Variants in ADAMTSL1 observed in about 807,000 individuals in gnomAD.
ADAMTSL1 encodes ADAMTS like 1.
ADAMTSL1 carries 126 observed loss-of-function variants against 201.8 expected under a neutral mutation model. The observed-to-expected ratio is 0.62, with a 90% CI of 0.54 to 0.72. ADAMTSL1 has a LOEUF of 0.72. Among genes scored for constraint, ADAMTSL1 ranks in the 30% least tolerant of loss-of-function variants. The pLI, the probability that ADAMTSL1 is intolerant of heterozygous loss-of-function variation, is 0.00. For missense variants in ADAMTSL1, 2,679 were observed against 2,277.8 expected (o/e 1.18, Z -3.59); for synonymous variants, 1,121 against 903.4 (o/e 1.24, Z -4.32).
intron 1 of ADAMTSL1, among the ~76,000 whole-genome samples, chr9:17,982,442 G>A (rs573495829): frequency 1.4e-4 from 21 of 151,950 alleles, no homozygotes; most frequent in South Asian, 2.1e-4. Context: ...GTGAAACCCC[G>A]TCTCTCTAAA....
intron 2 of ADAMTSL1, among the ~76,000 whole-genome samples, chr9:18,285,622 C>A (rs536829957): frequency 2.0e-5 from 3 of 151,996 alleles, no homozygotes; most frequent in Non-Finnish European, 2.9e-5. Context: ...ATATAAGGAA[C>A]CTTGTTGTGG....
intron 2 of ADAMTSL1, among the ~76,000 whole-genome samples, chr9:18,377,563 T>A (rs529818976): frequency 2.3e-4 from 35 of 152,052 alleles, no homozygotes; most frequent in African/African-American, 8.2e-4. Flanking sequence ...ATTCACTTTT[T>A]TGTTGTTGTT....
At chr9:17,964,970 C>G (rs1817922496) in intron 1 of ADAMTSL1, among the ~76,000 whole-genome samples, 1 of 152,004 alleles carries the variant, frequency 6.6e-6, no homozygotes, top group African/African-American at 2.4e-5. Flanking sequence ...TCAGGCTGGT[C>G]TCAAGCTCCT....
chr9:18,247,049 T>C (rs1831279679), intron 2 of ADAMTSL1, among the ~76,000 whole-genome samples: 1 of 152,142 alleles, frequency 6.6e-6, no homozygotes, highest in Non-Finnish European at 1.5e-5. Context: ...TTTTGGGTAT[T>C]GGGGTCAATA....
chr9:18,087,123 AT>A (rs1823801721), intron 1 of ADAMTSL1, among the ~76,000 whole-genome samples: 1 of 152,016 alleles, frequency 6.6e-6, no homozygotes. Context: ...TATTAACTTT[AT>A]TTTTGTGCTT....
intron 23 of ADAMTSL1, among the ~76,000 whole-genome samples, chr9:18,853,889 C>CTCTGTGTGTGTGTGTGTGTGTG (rs1314550014): frequency 1.5e-4 from 18 of 120,364 alleles, no homozygotes; most frequent in African/African-American, 4.5e-4. Flanking sequence ...TATTCACTCT[C>CTCTGTGTGTGTGTGTGTGTGTG]TGTGTGTGTG....
chr9:18,151,870 A>C (rs1468949031), intron 1 of ADAMTSL1, among the ~76,000 whole-genome samples: 2 of 152,038 alleles, frequency 1.3e-5, no homozygotes, highest in Non-Finnish European at 2.9e-5. Flanking sequence ...TAAATGTCCC[A>C]TATCCCCTTG....
At chr9:18,632,647 A>G (rs966506936) in intron 5 of ADAMTSL1, among the ~76,000 whole-genome samples, 5 of 152,168 alleles carry the variant, frequency 3.3e-5, no homozygotes, top group African/African-American at 1.2e-4. Flanking sequence ...CCTAGTACCT[A>G]GCATGGAGCC....
At chr9:18,842,936 G>A (rs572016442) in intron 23 of ADAMTSL1, among the ~76,000 whole-genome samples, 239 of 152,162 alleles carry the variant, frequency 1.6e-3, no homozygotes, top group African/African-American at 5.5e-3. Context: ...GTCTCTGCGC[G>A]TGAGATGGGT....
intron 2 of ADAMTSL1, among the ~76,000 whole-genome samples, chr9:18,361,697 C>T (rs375513616): frequency 6.6e-6 from 1 of 152,106 alleles, no homozygotes; most frequent in Non-Finnish European, 1.5e-5. Context: ...AGTTTTCATG[C>T]AGAGAAAGAC....
chr9:18,403,118 C>T (rs571932783), intron 2 of ADAMTSL1, among the ~76,000 whole-genome samples: 7 of 151,758 alleles, frequency 4.6e-5, no homozygotes, highest in South Asian at 2.1e-4. Context: ...TCAGTCTAAG[C>T]GCTGCTCATT....
intron 2 of ADAMTSL1, among the ~76,000 whole-genome samples, chr9:18,519,524 C>T (rs749102076): frequency 3.9e-5 from 6 of 152,312 alleles, no homozygotes; most frequent in Non-Finnish European, 7.4e-5. Flanking sequence ...ATATTCAGAT[C>T]ATTCCTATGA....
At chr9:18,277,161 A>G (rs200555619) in intron 2 of ADAMTSL1, among the ~76,000 whole-genome samples, 1 of 152,232 alleles carries the variant, frequency 6.6e-6, no homozygotes, top group African/African-American at 2.4e-5. Context: ...GTGACTTCAC[A>G]TATGATCTAT....
At chr9:18,049,689 T>A (rs1291503866) in intron 1 of ADAMTSL1, among the ~76,000 whole-genome samples, 1 of 151,878 alleles carries the variant, frequency 6.6e-6, no homozygotes, top group Non-Finnish European at 1.5e-5. Context: ...AGCGGTGCCA[T>A]CTTGGCTCAC....
At chr9:18,683,579 T>G (rs1373339009) in intron 12 of ADAMTSL1, among the ~76,000 whole-genome samples, 1 of 152,196 alleles carries the variant, frequency 6.6e-6, no homozygotes, top group East Asian at 1.9e-4. Flanking sequence ...GATGTATGTA[T>G]AGGTACGGTG....
chr9:18,404,826 TC>T, intron 2 of ADAMTSL1, among the ~76,000 whole-genome samples: 1 of 152,294 alleles, frequency 6.6e-6, no homozygotes, highest in South Asian at 2.1e-4. Context: ...ACTTCTTGGC[TC>T]CCTGGAATGG....
intron 23 of ADAMTSL1, among the ~76,000 whole-genome samples, chr9:18,838,840 C>G (rs1825508663): frequency 6.8e-6 from 1 of 147,848 alleles, no homozygotes; most frequent in South Asian, 2.1e-4. Context: ...CGCACCACTA[C>G]ACTGCAGCCT....
At chr9:18,331,907 C>G (rs1835042130) in intron 2 of ADAMTSL1, among the ~76,000 whole-genome samples, 1 of 152,108 alleles carries the variant, frequency 6.6e-6, no homozygotes, top group African/African-American at 2.4e-5. Flanking sequence ...GCCACTGAGA[C>G]AGGAGGGGAG....
chr9:18,321,479 G>C (rs1834616437), intron 2 of ADAMTSL1, among the ~76,000 whole-genome samples: 1 of 152,158 alleles, frequency 6.6e-6, no homozygotes, highest in East Asian at 1.9e-4. Context: ...CATTTACAGA[G>C]CATACAGCCA....
Sources: gnomAD v4.1 joint callset for allele counts (sites outside exome capture counted in the v4.1 genomes callset) on GRCh38, gnomAD v4.1.1 for gene constraint, MANE v1.5 for transcripts, NCBI Gene and HGNC (gene_info 2026-07-23, HGNC 2026-07-21) for gene names.